MFAP3L: variants seen among roughly 807,000 people sequenced by gnomAD.
The protein encoded by MFAP3L is microfibrillar-associated protein 3-like.
Under a neutral mutation model 20.0 loss-of-function variants are expected in MFAP3L, and 5 were observed. The observed-to-expected ratio is 0.25, with a 90% CI of 0.13 to 0.53. The LOEUF is 0.53. Among genes scored for constraint, MFAP3L ranks in the 20% least tolerant of loss-of-function variants. MFAP3L has a pLI of 0.96. For synonymous variants in MFAP3L, 219 were observed against 213.0 expected (o/e 1.03, Z -0.25); for missense variants, 409 against 527.5 (o/e 0.78, Z 2.20).
At chr4:169,997,856 G>A (rs56388240) in intron 2 of MFAP3L, 76,828 of 949,896 alleles carry the variant, frequency 0.081, 3,212 homozygotes, top group Middle Eastern at 0.13. Context: ...ACACTCCCAT[G>A]CACTGCAGGT....
intron 1 of MFAP3L, among the ~76,000 whole-genome samples, chr4:170,022,424 C>T (rs1740092787): frequency 6.6e-6 from 1 of 152,166 alleles, no homozygotes. Context: ...ATCCAAACTC[C>T]TTCACATGAC....
chr4:169,989,535 T>C lies in MFAP3L; in HGVS notation c.*1843A>G, dbSNP rs769523431. The C allele has an allele frequency of 1.3e-5, 2 of 152,208 alleles. No individual in the cohort carries two copies. The highest frequency in any genetic ancestry group is 2.4e-5 in the African/African-American group (1 of 41,454). The allele number at this position is 152,208 out of a possible 1,614,324, so 9.4% of individuals were successfully genotyped here. Reference sequence around the variant, plus strand: ...AAGACTGCAAACTTTCTGTGAACTATAAATGTTTCAACTAGAAGGGATCCT... The same window carrying C: ...AAGACTGCAAACTTTCTGTGAACTACAAATGTTTCAACTAGAAGGGATCCT... On this transcript the variant is annotated 3_prime_UTR_variant, in exon 3 of 3. Coordinates refer to ENST00000361618, the MANE Select transcript of MFAP3L (RefSeq NM_021647.8).
chr4:170,014,573 C>T (rs1370914271), intron 1 of MFAP3L, among the ~76,000 whole-genome samples: 1 of 152,224 alleles, frequency 6.6e-6, no homozygotes, highest in Admixed American at 6.5e-5. Context: ...AGGAAGCAAA[C>T]CCTGCCCTCT....
chr4:170,026,405 G>C (rs1247606423), upstream of MFAP3L: 1 of 529,800 alleles, frequency 1.9e-6, no homozygotes, highest in Non-Finnish European at 2.4e-6. Flanking sequence ...TGCCGGGAGC[G>C]CGGAGCTTCC....
Position 169,988,737 on chromosome 4 carries a change from T to A in MFAP3L, c.*2641A>T, listed in dbSNP as rs1003571906. The A allele has an allele frequency of 6.6e-5, 10 of 152,182 alleles. No homozygotes were observed. Among genetic ancestry groups the A allele is most frequent in the Non-Finnish European group, 1.2e-4 (8 of 68,024 alleles). The allele number at this position is 152,182 out of a possible 1,614,324, so 9.4% of individuals were successfully genotyped here. On this transcript the variant is annotated 3_prime_UTR_variant, in exon 3 of 3. Transcript: ENST00000361618. ...TGGAAGGAGAAATTCCCATTTTAAG[T>A]CAACCTCCCTTTATGTCAGTTGTTA...
At chr4:169,997,717 G>A (rs1453398923) in intron 2 of MFAP3L, 4 of 985,146 alleles carry the variant, frequency 4.1e-6, no homozygotes, top group African/African-American at 3.5e-5. Flanking sequence ...GGGCAGGCCC[G>A]GTAGCTCACG....
rs1581438216 is a variant in MFAP3L at position 169,991,383 on chromosome 4, C to T, written c.1225G>A (p.Val409Ile). The T allele has an allele frequency of 1.9e-6, 3 of 1,613,206 alleles. No individual in the cohort carries two copies. ...KNTCIIYESH[V>I] ...ATAGCTTTTCGGGGTTGGTATTAGACATGGCTTTCGTAAATAATGCAGGTG... is the reference window on the plus strand; with the variant it reads ...ATAGCTTTTCGGGGTTGGTATTAGATATGGCTTTCGTAAATAATGCAGGTG... The change falls in exon 3 of 3, where the codon GTC (valine) becomes ATC (isoleucine). Residue 409 changes from valine (V) to isoleucine (I), a missense_variant. By Grantham distance (29) the Val-to-Ile change is conservative. This residue lies in a region of MFAP3L where 169 missense variants were observed against 178.2 expected (regional missense o/e 0.95). Coordinates refer to ENST00000361618, the MANE Select transcript of MFAP3L (RefSeq NM_021647.8). The surrounding 1 kb of genome is among the most constrained non-coding windows in gnomAD (Gnocchi z 4.9).
chr4:170,002,285 G>T, intron 2 of MFAP3L: 2 of 982,306 alleles, frequency 2.0e-6, no homozygotes, highest in South Asian at 9.4e-5. Context: ...CCACACTCTG[G>T]TTGTGTCATA....
chr4:170,005,634 T>A lies in MFAP3L; in HGVS notation c.244A>T (p.Asn82Tyr). 2 of 1,614,238 alleles carry A rather than the reference T, an allele frequency of 1.2e-6. No individual in the cohort carries two copies. Among genetic ancestry groups the A allele is most frequent in the Non-Finnish European group, 1.7e-6 (2 of 1,180,042 alleles). ...GIPDPQFKWY[N>Y]SIGKLLKEEE... is the part of the protein sequence containing the mutation. ...TCTTTCAGCAGCTTGCCAATGGAAT[T>A]ATACCACTTGAACTGTGGGTCAGGG... is the stretch of plus-strand genomic sequence containing the variant. The change falls in exon 2 of 3, where the codon AAT becomes TAT. Residue 82 changes from asparagine to tyrosine, a missense_variant. By Grantham distance (143) the Asn-to-Tyr change is moderately radical. Around this residue, in one of 3 missense-constraint regions of MFAP3L, gnomAD observed 113 missense variants for 131.1 expected, o/e 0.86. Transcript: ENST00000361618.
chr4:170,014,021 T>C (rs896650925), intron 1 of MFAP3L, among the ~76,000 whole-genome samples: 1 of 152,220 alleles, frequency 6.6e-6, no homozygotes, highest in Non-Finnish European at 1.5e-5. Flanking sequence ...CGGATCACAA[T>C]GCACATCAGA....
intron 1 of MFAP3L, among the ~76,000 whole-genome samples, chr4:170,007,849 G>A (rs993858612): frequency 6.6e-6 from 1 of 152,070 alleles, no homozygotes; most frequent in African/African-American, 2.4e-5. Flanking sequence ...AATACCACAG[G>A]GGAGAATCAG....
At chr4:169,999,748 T>G (rs1738479566) in intron 2 of MFAP3L, among the ~76,000 whole-genome samples, 1 of 152,234 alleles carries the variant, frequency 6.6e-6, no homozygotes, top group Non-Finnish European at 1.5e-5. Flanking sequence ...TGGCATTTGA[T>G]ATGGCTCAAT....
intron 1 of MFAP3L, among the ~76,000 whole-genome samples, chr4:170,013,593 G>GA (rs777987179): frequency 5.5e-4 from 83 of 151,880 alleles, no homozygotes; most frequent in Middle Eastern, 6.8e-3. Context: ...TAGTGGCTTA[G>GA]AAAAAAAATA....
rs1275484504 is a variant in MFAP3L at position 169,989,610 on chromosome 4, T to C, written c.*1768A>G. The C allele has an allele frequency of 6.6e-6, 1 of 151,998 alleles. No homozygotes were observed. The highest frequency in any genetic ancestry group is 1.5e-5 in the Non-Finnish European group (1 of 68,018). The allele number at this position is 151,998 out of a possible 1,614,324, so 9.4% of individuals were successfully genotyped here. ...TATTTTACAGATGAAAAAGATTAAA[T>C]CCCAGAGAGAGGAAGGGAGTTGTCC... On this transcript the variant is annotated 3_prime_UTR_variant, in exon 3 of 3. Coordinates refer to ENST00000361618, the MANE Select transcript of MFAP3L (RefSeq NM_021647.8).
chr4:170,016,372 C>A (rs1384632631), intron 1 of MFAP3L, among the ~76,000 whole-genome samples: 1 of 152,164 alleles, frequency 6.6e-6, no homozygotes, highest in African/African-American at 2.4e-5. Context: ...TAAACCCCGG[C>A]ATCCTTGAAC....
At chr4:170,007,743 C>T (rs1373013158) in intron 1 of MFAP3L, among the ~76,000 whole-genome samples, 2 of 152,030 alleles carry the variant, frequency 1.3e-5, no homozygotes, top group Non-Finnish European at 2.9e-5. Flanking sequence ...ATGAGCTGCC[C>T]CCTTAGGTGT....
At chr4:170,011,651 C>T (rs536412159) in intron 1 of MFAP3L, among the ~76,000 whole-genome samples, 1 of 152,124 alleles carries the variant, frequency 6.6e-6, no homozygotes, top group Non-Finnish European at 1.5e-5. Context: ...GGCCTTCCCC[C>T]TCTTGTCAGA....
intron 1 of MFAP3L, among the ~76,000 whole-genome samples, chr4:170,010,880 C>T (rs1739337518): frequency 6.6e-6 from 1 of 152,030 alleles, no homozygotes; most frequent in Admixed American, 6.6e-5. Flanking sequence ...TTAGGGTGAT[C>T]TCTGAATATA....
In MFAP3L at chr4:169,989,875, G is replaced by A. The variant is rs1342239753; in HGVS notation, c.*1503C>T. On this transcript the variant is annotated 3_prime_UTR_variant, in exon 3 of 3. Coordinates refer to ENST00000361618, the MANE Select transcript of MFAP3L (RefSeq NM_021647.8). The stretch of plus-strand genomic sequence containing the variant: ...GTGGTCCTAATGGTTTTTTTGGAAG[G>A]AGAAGATCCACAATTTGTTTAAAAT... 3.3e-5 allele frequency: 5 copies of A among 152,166 alleles called. No homozygotes were observed. The highest frequency in any genetic ancestry group is 7.3e-5 in the Non-Finnish European group (5 of 68,030). 9.4% of individuals were successfully genotyped at this position (152,166 alleles called of 1,614,324 possible).
Sources: gnomAD v4.1 joint callset for allele counts (sites outside exome capture counted in the v4.1 genomes callset) on GRCh38, gnomAD v4.1.1 for gene constraint, gnomAD v4.1.1 regional missense constraint, Gnocchi (gnomAD v3.1) non-coding constraint, MANE v1.5 for transcripts, NCBI Gene and HGNC (gene_info 2026-07-23, HGNC 2026-07-21) for gene names.